Variants in PLCG2 observed in about 807,000 individuals in gnomAD.
PLCG2 encodes the protein phospholipase C gamma 2, also known as 1-phosphatidylinositol 4,5-bisphosphate phosphodiesterase gamma-2.
A neutral mutation model predicts 175.6 loss-of-function variants in PLCG2; 69 were observed. The observed-to-expected ratio is 0.39, with a 90% confidence interval of 0.32 to 0.48. PLCG2 has a LOEUF of 0.48. PLCG2 is among the 20% of genes least tolerant of loss of function. The pLI is 0.91. For missense variants in PLCG2, 1,798 were observed against 1,650.9 expected (o/e 1.09, Z -1.54); for synonymous variants, 827 against 624.0 (o/e 1.33, Z -4.85).
At chr16:81,903,564 CA>C (rs1294448407) in intron 14 of PLCG2, among the ~76,000 whole-genome samples, 2 of 152,202 alleles carry the variant, frequency 1.3e-5, no homozygotes, top group African/African-American at 4.8e-5. Context: ...CACAAGTTAA[CA>C]AAATAGCTGC....
chr16:81,752,800 C>T (rs1909839113), intron 1 of PLCG2, among the ~76,000 whole-genome samples: 1 of 152,218 alleles, frequency 6.6e-6, no homozygotes, highest in Non-Finnish European at 1.5e-5. Context: ...CAGCCTAGCA[C>T]TGGGCACCTC....
At chr16:81,955,459 C>G (rs1911529811) in intron 31 of PLCG2, among the ~76,000 whole-genome samples, 1 of 152,170 alleles carries the variant, frequency 6.6e-6, no homozygotes, top group Non-Finnish European at 1.5e-5. Context: ...GCAAAACATC[C>G]TCATCCTCCC....
intron 1 of PLCG2, among the ~76,000 whole-genome samples, chr16:81,748,402 T>G (rs1452175610): frequency 6.9e-6 from 1 of 145,494 alleles, no homozygotes; most frequent in Non-Finnish European, 1.5e-5. Context: ...ACTTAAAAAA[T>G]TAAAAAAAAA....
intron 7 of PLCG2, among the ~76,000 whole-genome samples, chr16:81,880,559 A>G (rs1908028881): frequency 7.1e-6 from 1 of 140,398 alleles, no homozygotes; most frequent in Non-Finnish European, 1.6e-5. Context: ...AATAATATGT[A>G]AAGCTTGAAA....
chr16:81,917,725 A>C (rs553438673), intron 19 of PLCG2, among the ~76,000 whole-genome samples: 12 of 152,052 alleles, frequency 7.9e-5, no homozygotes, highest in African/African-American at 2.9e-4. Flanking sequence ...CATTTTTTAA[A>C]ATTTTTTATT....
chr16:81,877,221 A>G (rs568225448), intron 7 of PLCG2, among the ~76,000 whole-genome samples: 159 of 152,318 alleles, frequency 1.0e-3, no homozygotes, highest in South Asian at 5.0e-3. Context: ...TTGGGAGGCC[A>G]AGGCGGGCGG....
In PLCG2 at chr16:81,910,413, G is replaced by T. The variant is rs1343624806; in HGVS notation, c.1734-107G>T. 2.0e-5 allele frequency: 19 copies of T among 957,094 alleles called. No homozygotes were observed. The South Asian group carries it at 2.3e-4, about 12-fold the overall frequency. The allele number at this position is 957,094 out of a possible 1,614,324, so 59.3% of individuals were successfully genotyped here. ...GCCTCCTGTGTCTGTTCTAGGAGCA[G>T]AGGGAAGGTTGTGTGGCCACATGTA... On this transcript the variant is annotated intron_variant, in intron 17 of 32. Coordinates refer to ENST00000564138, the MANE Select transcript of PLCG2 (RefSeq NM_002661.5).
At chr16:81,953,934 A>C (rs905721628) in intron 31 of PLCG2, among the ~76,000 whole-genome samples, 2 of 152,236 alleles carry the variant, frequency 1.3e-5, no homozygotes, top group African/African-American at 4.8e-5. Context: ...ATTATATAGA[A>C]TAAAACAACA....
intron 2 of PLCG2, among the ~76,000 whole-genome samples, chr16:81,824,963 G>C (rs1031868854): frequency 5.9e-5 from 9 of 152,240 alleles, no homozygotes; most frequent in African/African-American, 1.9e-4. Flanking sequence ...GTCAGGGAGA[G>C]AGAGCAGGAT....
intron 13 of PLCG2, 105 bp from the exon 14 acceptor site, chr16:81,900,507 G>A: frequency 9.8e-7 from 1 of 1,015,570 alleles, no homozygotes. Context: ...CCCCCGAGCA[G>A]CGCCCGGTTT....
In PLCG2 at chr16:81,855,062, T is replaced by TA. The variant is rs199965581; in HGVS notation, c.337+476dup. Among the ~76,000 whole-genome samples, 1,085 of 151,882 alleles carry TA rather than the reference T, an allele frequency of 7.1e-3. 12 individuals are homozygous for TA. The highest frequency in any genetic ancestry group is 0.026 in the African/African-American group (1,058 of 41,406). On this transcript the variant is annotated intron_variant, in intron 3 of 32. Transcript: ENST00000564138. ...CTGTCTCTACTAAAAATACAAAAAC[T>TA]AGCTGGGTGTGGTGGTGCGCACCTG...
intron 17 of PLCG2, among the ~76,000 whole-genome samples, chr16:81,909,424 T>C (rs1909520806): frequency 1.3e-5 from 2 of 151,598 alleles, no homozygotes; most frequent in Admixed American, 1.3e-4. Context: ...TTCTGTCACT[T>C]AAAAAAAAAT....
intron 30 of PLCG2, among the ~76,000 whole-genome samples, chr16:81,940,453 A>T (rs375348225): frequency 6.7e-6 from 1 of 149,088 alleles, no homozygotes; most frequent in South Asian, 2.2e-4. Flanking sequence ...GACCTTTGGC[A>T]TCTTGGGGGG....
In PLCG2 at chr16:81,824,240, TCTC is replaced by T. The variant is rs1904945709; in HGVS notation, c.194-30199_194-30197del. 2.6e-5 allele frequency among the ~76,000 whole-genome samples: 4 copies of T among 151,458 alleles called. No homozygotes were observed. The South Asian group carries it at 8.3e-4, about 32-fold the overall frequency. On this transcript the variant is annotated intron_variant, in intron 2 of 32. Transcript: ENST00000564138. ...CCTCCACCTCCCGGCTTCAAGCAAT[TCTC>T]CTCCCTCAGCCTCCCAAGTAACTAG...
intron 2 of PLCG2, among the ~76,000 whole-genome samples, chr16:81,820,707 G>A (rs1028174740): frequency 2.6e-5 from 4 of 151,996 alleles, no homozygotes; most frequent in African/African-American, 9.7e-5. Context: ...TGCAGCTTCC[G>A]CCTCCCAGGT....
At chr16:81,769,240 T>A (rs1240125906) in intron 2 of PLCG2, among the ~76,000 whole-genome samples, 1 of 152,228 alleles carries the variant, frequency 6.6e-6, no homozygotes, top group Non-Finnish European at 1.5e-5. Flanking sequence ...CCATTACGTC[T>A]AATATCTTCC....
At chr16:81,897,382 T>G (rs1908940229) in intron 13 of PLCG2, among the ~76,000 whole-genome samples, 2 of 152,232 alleles carry the variant, frequency 1.3e-5, no homozygotes, top group South Asian at 4.1e-4. Context: ...TGCTTCAATT[T>G]CCATGTTAAA....
rs16956106 is a variant in PLCG2, at chr16:81,962,404, C to G, written c.*4406C>G. 0.024 allele frequency: 5,059 copies of G among 212,656 alleles called. 319 individuals carry two copies. The highest frequency in any genetic ancestry group is 0.15 in the East Asian group (2,040 of 13,820). The allele number at this position is 212,656 out of a possible 1,614,324, so 13.2% of individuals were successfully genotyped here. A position where few individuals can be genotyped will look rare whatever the true frequency, so the allele number is the denominator to read the frequency against. ...TTTAAAAATACTCAATAATTTGTCC[C>G]TGGTTTTTAATTTTCAAAATATTTT... is the stretch of plus-strand genomic sequence containing the variant. On this transcript the variant is annotated 3_prime_UTR_variant, in exon 33 of 33. Coordinates refer to ENST00000564138, the MANE Select transcript of PLCG2 (RefSeq NM_002661.5).
At chr16:81,815,934 C>T (rs965354013) in intron 2 of PLCG2, among the ~76,000 whole-genome samples, 2 of 151,642 alleles carry the variant, frequency 1.3e-5, no homozygotes, top group Non-Finnish European at 1.5e-5. Flanking sequence ...TGGTGACTTG[C>T]GCCTGTAATC....
Sources: gnomAD v4.1 joint callset for allele counts (sites outside exome capture counted in the v4.1 genomes callset) on GRCh38, gnomAD v4.1.1 for gene constraint, MANE v1.5 for transcripts, NCBI Gene and HGNC (gene_info 2026-07-23, HGNC 2026-07-21) for gene names.